Variants in FAT4 observed in about 807,000 individuals in gnomAD.
The protein encoded by FAT4 is protocadherin Fat 4.
In FAT4, 84 loss-of-function variants were observed where a neutral mutation model predicts 303.9. That is an observed-to-expected ratio of 0.28 (90% CI 0.23 to 0.33). FAT4 has a LOEUF of 0.33. Ranked by LOEUF, FAT4 falls within the 10% of genes least tolerant of loss-of-function variation. FAT4 has a pLI of 1.00. For missense variants in FAT4, 6,005 were observed against 6,146.8 expected, an observed-to-expected ratio of 0.98 and a Z score of 0.77; for synonymous variants, 2,307 against 2,298.8, an observed-to-expected ratio of 1.00 and a Z score of -0.10.
rs200851934 is a variant in FAT4 at position 125,490,618 on chromosome 4, C to T, written c.13802C>T (p.Pro4601Leu). 196 of 1,613,972 alleles carry T rather than the reference C, an allele frequency of 1.2e-4. No homozygotes were observed. Among genetic ancestry groups the T allele is most frequent in the Middle Eastern group, 1.6e-4 (1 of 6,084 alleles). Residue 4601 changes from proline to leucine, a missense_variant, in exon 18 of 18, where the codon CCT (proline) becomes CTT (leucine). By Grantham distance (98) the Pro-to-Leu change is moderately conservative. Transcript: ENST00000394329. ...PYLIYDETDI[P>L]HNSETIPSAP... ...CTTATCTATGATGAAACTGATATTC[C>T]TCACAACTCAGAAACCATCCCCAGC...
intron 5 of FAT4, among the ~76,000 whole-genome samples, chr4:125,411,708 T>A (rs1047489542): frequency 6.7e-6 from 1 of 148,764 alleles, no homozygotes; most frequent in Non-Finnish European, 1.5e-5. Flanking sequence ...CACCTATACT[T>A]TTAAAATATA....
chr4:125,459,970 G>A (rs1726425772), intron 10 of FAT4, among the ~76,000 whole-genome samples: 1 of 151,998 alleles, frequency 6.6e-6, no homozygotes, highest in East Asian at 1.9e-4. Context: ...TTCCAAACCT[G>A]AGAAATATGC....
At chr4:125,362,641 T>C (rs539691737) in intron 2 of FAT4, among the ~76,000 whole-genome samples, 2 of 152,196 alleles carry the variant, frequency 1.3e-5, no homozygotes, top group Non-Finnish European at 2.9e-5. Context: ...TAAATATTAG[T>C]AAAATATCCA....
chr4:125,318,841 T>C lies in FAT4; in HGVS notation c.2430T>C (p.Tyr810=). 1.2e-6 allele frequency: 2 copies of C among 1,614,096 alleles called. No individual in the cohort carries two copies. The highest frequency in any genetic ancestry group is 1.7e-6 in the Non-Finnish European group (2 of 1,180,012). ...TTTTTGAGAACGTGGCGCTGGGATA[T>C]CATGTGGGTAGTGTGTCTGCATCCA... ...FVVFENVALG[Y]HVGSVSASTM... is the part of the protein sequence containing the mutation. The change falls in exon 2 of 18, where the codon TAT becomes TAC. Residue 810 remains tyrosine (Y), a synonymous_variant. Transcript: ENST00000394329.
At chr4:125,330,086 A>T (rs1018119062) in intron 2 of FAT4, among the ~76,000 whole-genome samples, 4 of 152,150 alleles carry the variant, frequency 2.6e-5, no homozygotes, top group African/African-American at 9.7e-5. Flanking sequence ...GGCTTTACCT[A>T]CACTGGCTTC....
In FAT4 at chr4:125,453,759, A is replaced by C. The variant is rs557094807; in HGVS notation, c.11800+949A>C. Among the ~76,000 whole-genome samples the C allele has an allele frequency of 2.3e-4, 35 of 152,212 alleles. 1 individual carries two copies. In the South Asian group the frequency reaches 7.3e-3, roughly 32 times the overall value. On this transcript the variant is annotated intron_variant, in intron 10 of 17. Coordinates refer to ENST00000394329, the MANE Select transcript of FAT4 (RefSeq NM_001291303.3). ...CTAATGGTTGGGTAGAAAGCACAATAGGCTTATTTCTCAAGAAAGCTAGAA... is the reference window on the plus strand; with the variant it reads ...CTAATGGTTGGGTAGAAAGCACAATCGGCTTATTTCTCAAGAAAGCTAGAA...
chr4:125,473,453 G>T (rs747222611), intron 12 of FAT4, among the ~76,000 whole-genome samples: 7 of 152,110 alleles, frequency 4.6e-5, no homozygotes, highest in Non-Finnish European at 1.0e-4. Context: ...TTCTCTGGAA[G>T]AATATAGATT....
chr4:125,403,491 A>T (rs1002822335), intron 3 of FAT4, among the ~76,000 whole-genome samples: 1 of 152,038 alleles, frequency 6.6e-6, no homozygotes. Context: ...TTCAGTCCTT[A>T]TATGAGTGTT....
intron 11 of FAT4, among the ~76,000 whole-genome samples, chr4:125,466,404 G>A (rs1726663065): frequency 6.6e-6 from 1 of 151,838 alleles, no homozygotes; most frequent in African/African-American, 2.4e-5. Context: ...AGTTTATTCA[G>A]AAGAGACCTA....
intron 7 of FAT4, 117 bp from the exon 8 acceptor site, chr4:125,434,128 A>T (rs943013929): frequency 5.7e-6 from 5 of 879,890 alleles, no homozygotes; most frequent in Non-Finnish European, 8.6e-6. Flanking sequence ...ATGTGTTCAG[A>T]AATTTTACTT....
chr4:125,433,663 A>T (rs953242777), intron 7 of FAT4, among the ~76,000 whole-genome samples: 4 of 152,250 alleles, frequency 2.6e-5, no homozygotes, highest in African/African-American at 9.6e-5. Context: ...CATGATTCTG[A>T]GTTAGCTCAT....
At chr4:125,395,769 T>C (rs1249599899) in intron 2 of FAT4, among the ~76,000 whole-genome samples, 4 of 152,214 alleles carry the variant, frequency 2.6e-5, no homozygotes, top group African/African-American at 7.2e-5. Context: ...GATCTGTATA[T>C]ACAACTGGTC....
intron 2 of FAT4, among the ~76,000 whole-genome samples, chr4:125,364,732 G>T (rs1047449005): frequency 7.2e-5 from 11 of 152,080 alleles, no homozygotes; most frequent in African/African-American, 2.4e-4. Flanking sequence ...CTGGTGCATG[G>T]AGTGCTGAAA....
At chr4:125,481,914 A>G (rs1420707234) in intron 16 of FAT4, among the ~76,000 whole-genome samples, 176 bp downstream of exon 16, 1 of 152,236 alleles carries the variant, frequency 6.6e-6, no homozygotes, top group Non-Finnish European at 1.5e-5. Flanking sequence ...TGGCCAGAGT[A>G]ACAAAGATCT....
intron 2 of FAT4, among the ~76,000 whole-genome samples, chr4:125,390,487 T>G (rs938147543): frequency 6.6e-6 from 1 of 152,212 alleles, no homozygotes; most frequent in Non-Finnish European, 1.5e-5. Context: ...TTTCAACTCC[T>G]CACTTGAGAT....
Position 125,487,350 on chromosome 4 carries a change from G to A in FAT4, c.12828G>A (p.Lys4276=). The A allele has an allele frequency of 6.2e-7, 1 of 1,609,752 alleles. No homozygotes were observed. The highest frequency in any genetic ancestry group is 8.5e-7 in the Non-Finnish European group (1 of 1,176,778). The part of the protein sequence containing the change: ...ESSNYTTVKI[K]NGKVYFTSDA... Reference sequence around the variant, plus strand: ...ATTTTTAATATGTTTTACAGATTAAGAATGGCAAAGTATATTTTACATCCG... The same window carrying A: ...ATTTTTAATATGTTTTACAGATTAAAAATGGCAAAGTATATTTTACATCCG... Residue 4276 remains lysine, a synonymous_variant, in exon 17 of 18, where the codon AAG becomes AAA. Transcript: ENST00000394329.
chr4:125,377,844 T>C (rs1733391682), intron 2 of FAT4, among the ~76,000 whole-genome samples: 1 of 152,126 alleles, frequency 6.6e-6, no homozygotes, highest in South Asian at 2.1e-4. Context: ...GCTATAAAAA[T>C]ATTTTTAAAT....
At position 125,490,278 on chromosome 4, in the gene FAT4, G is replaced by A. The variant is rs1210716789; in HGVS notation, c.13462G>A (p.Gly4488Arg). 5 of 1,613,986 alleles carry A rather than the reference G, an allele frequency of 3.1e-6. No individual in the cohort carries two copies. The African/African-American group carries it at 6.7e-5, about 22-fold the overall frequency. The change falls in exon 18 of 18, where the codon GGG (glycine) becomes AGG (arginine). Residue 4488 changes from glycine to arginine, a missense_variant. By Grantham distance (125) the Gly-to-Arg change is moderately radical. Coordinates refer to ENST00000394329, the MANE Select transcript of FAT4 (RefSeq NM_001291303.3). ...GGTGTGCAAAGCTGGAAGTCCTGCGGGGCATGTCTGTGTTCTGAGTCAGGG... is the reference window on the plus strand; with the variant it reads ...GGTGTGCAAAGCTGGAAGTCCTGCGAGGCATGTCTGTGTTCTGAGTCAGGG... ...GKVCKAGSPA[G>R]HVCVLSQGPE... is the part of the protein sequence containing the mutation.
At chr4:125,357,302 ATT>A (rs1732470449) in intron 2 of FAT4, among the ~76,000 whole-genome samples, 1 of 152,092 alleles carries the variant, frequency 6.6e-6, no homozygotes, top group South Asian at 2.1e-4. Context: ...TTTTTCATGA[ATT>A]TAGGCAAATG....
Sources: gnomAD v4.1 joint callset for allele counts (sites outside exome capture counted in the v4.1 genomes callset) on GRCh38, gnomAD v4.1.1 for gene constraint, MANE v1.5 for transcripts, NCBI Gene and HGNC (gene_info 2026-07-23, HGNC 2026-07-21) for gene names.